The following MPZL1 variants were observed in gnomAD, a reference collection of about 807,000 sequenced individuals.
MPZL1 encodes myelin protein zero-like protein 1.
A neutral mutation model predicts 29.3 loss-of-function variants in MPZL1; 16 were observed. The observed-to-expected ratio is 0.55, with a 90% CI of 0.37 to 0.83. The LOEUF (loss-of-function observed/expected upper bound fraction) is 0.83, where lower values mean the gene tolerates loss of function less well. Among genes scored for constraint, MPZL1 ranks in the 40% least tolerant of loss-of-function variants. The pLI, the probability that MPZL1 is intolerant of heterozygous loss-of-function variation, is 0.00. For synonymous variants in MPZL1, 143 were observed against 132.0 expected (o/e 1.08, Z -0.57); for missense variants, 279 against 332.9 (o/e 0.84, Z 1.26).
rs534725390 is a variant in MPZL1, at chr1:167,778,964, T to TA, written c.708+2799dup. On this transcript the variant is annotated intron_variant, in intron 5 of 5. Coordinates refer to ENST00000359523, the MANE Select transcript of MPZL1 (RefSeq NM_003953.6). Reference sequence around the variant, plus strand: ...GGTGAAAACCCATCTCTACTAAAAATACAAAAAATTAGTTGGGCATGGTGG... The same window carrying TA: ...GGTGAAAACCCATCTCTACTAAAAATAACAAAAAATTAGTTGGGCATGGTGG... 1.6e-3 allele frequency among the ~76,000 whole-genome samples: 243 copies of TA among 151,946 alleles called. 1 individual carries two copies. The highest frequency in any genetic ancestry group is 2.9e-3 in the Non-Finnish European group (196 of 67,934).
chr1:167,779,105 G>A (rs144770920), intron 5 of MPZL1, among the ~76,000 whole-genome samples: 1 of 151,762 alleles, frequency 6.6e-6, no homozygotes, highest in Non-Finnish European at 1.5e-5. Flanking sequence ...CTGGGCAACA[G>A]AGCGAGACTC....
chr1:167,778,350 A>G (rs1055250349), intron 5 of MPZL1, among the ~76,000 whole-genome samples: 3 of 151,892 alleles, frequency 2.0e-5, no homozygotes, highest in Non-Finnish European at 4.4e-5. Flanking sequence ...ATCAGGCATA[A>G]AAAGAAACCA....
At chr1:167,731,233 G>T in intron 1 of MPZL1, among the ~76,000 whole-genome samples, 1 of 152,040 alleles carries the variant, frequency 6.6e-6, no homozygotes, top group Non-Finnish European at 1.5e-5. Context: ...TCAGGAGTTT[G>T]AAGCCAGCCT....
At chr1:167,739,282 C>CATATATATATATATATATATACATAT (rs1660456828) in intron 1 of MPZL1, among the ~76,000 whole-genome samples, 2 of 90,418 alleles carry the variant, frequency 2.2e-5, no homozygotes, top group African/African-American at 1.3e-4. Context: ...TACATATATA[C>CATATATATATATATATATATACATAT]ATATATATAT....
At chr1:167,763,386 G>A (rs1040700149) in intron 1 of MPZL1, among the ~76,000 whole-genome samples, 1 of 151,810 alleles carries the variant, frequency 6.6e-6, no homozygotes, top group African/African-American at 2.4e-5. Context: ...CGTCGTGGTG[G>A]GTGTCTGTAA....
intron 1 of MPZL1, among the ~76,000 whole-genome samples, chr1:167,729,587 G>T (rs961802849): frequency 1.3e-5 from 2 of 152,146 alleles, no homozygotes; most frequent in African/African-American, 4.8e-5. Context: ...GAGGACTCAG[G>T]TTCCTAAGAG....
intron 2 of MPZL1, among the ~76,000 whole-genome samples, chr1:167,771,736 GAGGC>G (rs1251492709): frequency 3.9e-5 from 6 of 152,192 alleles, no homozygotes; most frequent in African/African-American, 1.4e-4. Flanking sequence ...CAGCTGGGCA[GAGGC>G]TGTAATCTTA....
intron 5 of MPZL1, among the ~76,000 whole-genome samples, chr1:167,783,863 TA>T (rs879374396): frequency 2.1e-4 from 32 of 151,244 alleles, no homozygotes; most frequent in Non-Finnish European, 3.8e-4. Context: ...GAATAAATAC[TA>T]AAAAAAAAGG....
intron 1 of MPZL1, among the ~76,000 whole-genome samples, chr1:167,741,196 T>TAGTAGAGCTGGA: frequency 6.6e-6 from 1 of 151,068 alleles, no homozygotes; most frequent in Non-Finnish European, 1.5e-5. Context: ...TTTTTTTTTT[T>TAGTAGAGCTGGA]TTTTTTTAGA....
Position 167,722,110 on chromosome 1 carries a change from C to T in MPZL1, c.-42C>T. 8.1e-7 allele frequency: 1 copy of T among 1,233,408 alleles called. No homozygotes were observed. 76.4% of individuals were successfully genotyped at this position (1,233,408 alleles called of 1,614,324 possible). ...GCCAACCTCAGCGGGGACCCGGGCTCAGGGACGCGGCGGCGGCGGCGGCGA... is the reference window on the plus strand; with the variant it reads ...GCCAACCTCAGCGGGGACCCGGGCTTAGGGACGCGGCGGCGGCGGCGGCGA... On this transcript the variant is annotated 5_prime_UTR_variant, in exon 1 of 6. Coordinates refer to ENST00000359523, the MANE Select transcript of MPZL1 (RefSeq NM_003953.6).
At chr1:167,742,510 A>G (rs1571143038) in intron 1 of MPZL1, among the ~76,000 whole-genome samples, 1 of 152,212 alleles carries the variant, frequency 6.6e-6, no homozygotes, top group East Asian at 1.9e-4. Context: ...ATAGTCTATC[A>G]TCAGTCTACC....
At chr1:167,760,706 T>C (rs1660967027) in intron 1 of MPZL1, among the ~76,000 whole-genome samples, 1 of 151,448 alleles carries the variant, frequency 6.6e-6, no homozygotes, top group Non-Finnish European at 1.5e-5. Context: ...ACATATTAAA[T>C]TTGAGATGAT....
intron 1 of MPZL1, among the ~76,000 whole-genome samples, chr1:167,736,136 A>G (rs999476601): frequency 5.9e-5 from 9 of 151,642 alleles, no homozygotes; most frequent in Non-Finnish European, 2.9e-5. Context: ...TTGTGACATT[A>G]CTCCTGGTTC....
intron 1 of MPZL1, among the ~76,000 whole-genome samples, chr1:167,755,864 A>C (rs964217793): frequency 2.0e-5 from 3 of 152,194 alleles, no homozygotes; most frequent in Non-Finnish European, 2.9e-5. Flanking sequence ...TGTGTTTGAA[A>C]GAATGAATGG....
intron 1 of MPZL1, among the ~76,000 whole-genome samples, chr1:167,743,891 C>T (rs925230015): frequency 1.3e-5 from 2 of 151,868 alleles, no homozygotes; most frequent in African/African-American, 4.8e-5. Context: ...ATTTGGATGC[C>T]CTTTATTTCT....
chr1:167,773,167 A>G, intron 3 of MPZL1, 69 bp from the exon 4 acceptor site: 1 of 1,497,506 alleles, frequency 6.7e-7, no homozygotes, highest in Non-Finnish European at 9.1e-7. Flanking sequence ...TTGCTCGTTA[A>G]TTTAATAAAA....
At chr1:167,758,154 CAAAAA>C (rs773312752) in intron 1 of MPZL1, among the ~76,000 whole-genome samples, 1 of 103,386 alleles carries the variant, frequency 9.7e-6, no homozygotes. Context: ...ATTCTTGTCT[CAAAAA>C]AAAAAAAAAA....
chr1:167,773,500 T>G (rs938236035), intron 4 of MPZL1, 132 bp downstream of exon 4: 1 of 1,115,706 alleles, frequency 9.0e-7, no homozygotes, highest in African/African-American at 1.6e-5. Context: ...TCAGGCAGTC[T>G]CCTTAGGAGG....
At chr1:167,769,851 G>A (rs1378901673) in intron 2 of MPZL1, among the ~76,000 whole-genome samples, 8 of 152,228 alleles carry the variant, frequency 5.3e-5, no homozygotes, top group African/African-American at 1.7e-4. Context: ...AACAGATATT[G>A]TCAGTGGGAA....
Sources: allele counts gnomAD v4.1 joint callset (sites outside exome capture counted in the v4.1 genomes callset), GRCh38; gene constraint gnomAD v4.1.1; transcripts MANE v1.5; gene names NCBI Gene and HGNC (gene_info 2026-07-23, HGNC 2026-07-21).